Variants in PRAME observed in about 807,000 individuals in gnomAD.
PRAME encodes the protein melanoma antigen preferentially expressed in tumors.
Under a neutral mutation model 32.1 loss-of-function variants are expected in PRAME, and 21 were observed. That is an observed-to-expected ratio of 0.65 (90% CI 0.46 to 0.94). The LOEUF (loss-of-function observed/expected upper bound fraction) is 0.94. PRAME is among the 40% of genes least tolerant of loss of function. PRAME has a pLI of 0.00. For missense variants in PRAME, 651 were observed against 622.3 expected (o/e 1.05, Z -0.49); for synonymous variants, 274 against 251.5 (o/e 1.09, Z -0.85).
intron 3 of PRAME, among the ~76,000 whole-genome samples, chr22:22,555,584 G>A (rs2062857811): frequency 6.6e-6 from 1 of 151,716 alleles, no homozygotes; most frequent in African/African-American, 2.4e-5. Context: ...TCCCAGACTG[G>A]TCTTGAACTC....
In PRAME at chr22:22,547,747, T is replaced by C. The variant is rs2062333994; in HGVS notation, c.*320A>G. Reference sequence around the variant, plus strand: ...ATTTTCAACAGTTTCTTTACAACAGTCTACACAGGGATTAACTCCTACATG... The same window carrying C: ...ATTTTCAACAGTTTCTTTACAACAGCCTACACAGGGATTAACTCCTACATG... On this transcript the variant is annotated 3_prime_UTR_variant, in exon 6 of 6. Coordinates refer to ENST00000405655, the MANE Select transcript of PRAME (RefSeq NM_206956.3). 2 of 373,280 alleles carry C rather than the reference T, an allele frequency of 5.4e-6. No individual in the cohort carries two copies. The highest frequency in any genetic ancestry group is 9.6e-6 in the Non-Finnish European group (2 of 208,122). 23.1% of individuals were successfully genotyped at this position (373,280 alleles called of 1,614,324 possible). A position where few individuals can be genotyped will look rare whatever the true frequency, so the allele number is the denominator to read the frequency against.
chr22:22,555,826 C>T (rs992092348), intron 3 of PRAME: 12 of 466,946 alleles, frequency 2.6e-5, no homozygotes, highest in East Asian at 7.1e-5. Context: ...TTCCCAGGAC[C>T]GACACTTACC....
intron 4 of PRAME, 154 bp downstream of exon 4, chr22:22,550,613 T>C (rs1407857227): frequency 3.3e-6 from 3 of 916,696 alleles, no homozygotes; most frequent in Non-Finnish European, 4.9e-6. Flanking sequence ...ATTCCAAGAG[T>C]GACCCCTGCA....
intron 3 of PRAME, among the ~76,000 whole-genome samples, chr22:22,554,663 CTCTG>C (rs895325493): frequency 6.6e-6 from 1 of 151,934 alleles, no homozygotes; most frequent in Non-Finnish European, 1.5e-5. Context: ...AAGTCCCTGA[CTCTG>C]TCTGGGGAAG....
Position 22,550,009 on chromosome 22 carries a change from T to C in PRAME, c.670A>G (p.Lys224Glu), listed in dbSNP as rs767932678. ...AGCTGCACCATTTTCAGGATCATCT[T>C]GATATCCTGCATGGGCATTGCAAAA... ...KIFAMPMQDI[K>E]MILKMVQLDS... The change falls in exon 5 of 6, where the codon AAG becomes GAG. Residue 224 changes from lysine (K) to glutamate (E), a missense_variant. By Grantham distance (56) the Lys-to-Glu change is moderately conservative (BLOSUM62 1). Coordinates refer to ENST00000405655, the MANE Select transcript of PRAME (RefSeq NM_206956.3). 4 of 1,613,898 alleles carry C rather than the reference T, an allele frequency of 2.5e-6. No homozygotes were observed. In the South Asian group the frequency reaches 4.4e-5, roughly 18 times the overall value.
Position 22,548,436 on chromosome 22 carries a change from C to T in PRAME, c.1161G>A (p.Glu387=), listed in dbSNP as rs1168736160. ...GGAGCTGATCATCCGTGATCCCACACTCATCAAAGACCAGGTCCTGGAGGG... is the reference window on the plus strand; with the variant it reads ...GGAGCTGATCATCCGTGATCCCACATTCATCAAAGACCAGGTCCTGGAGGG... ...SATLQDLVFD[E]CGITDDQLLA... Residue 387 remains glutamate, a synonymous_variant, in exon 6 of 6, where the codon GAG becomes GAA. Coordinates refer to ENST00000405655, the MANE Select transcript of PRAME (RefSeq NM_206956.3). 6.2e-7 allele frequency: 1 copy of T among 1,613,660 alleles called. No individual in the cohort carries two copies. Among genetic ancestry groups the T allele is most frequent in the Non-Finnish European group, 8.5e-7 (1 of 1,179,946 alleles).
chr22:22,554,884 G>A (rs1483057256), intron 3 of PRAME, among the ~76,000 whole-genome samples: 3 of 151,966 alleles, frequency 2.0e-5, no homozygotes, highest in Non-Finnish European at 4.4e-5. Context: ...TCCAAGGGAG[G>A]AGGAGGAACC....
At chr22:22,557,099 G>A (rs2062975080) in intron 2 of PRAME, 190 bp from the exon 3 acceptor site, 7 of 550,770 alleles carry the variant, frequency 1.3e-5, no homozygotes, top group South Asian at 2.1e-5. Context: ...GAACCAGGGG[G>A]CAGGAGGAAC....
intron 2 of PRAME, chr22:22,557,258 G>C (rs1272394006): frequency 4.1e-6 from 1 of 245,596 alleles, no homozygotes; most frequent in Non-Finnish European, 8.2e-6. Context: ...CTTCAGAGGG[G>C]CCGAGTCCCA....
chr22:22,550,376 G>T, intron 4 of PRAME, 42 bp from the exon 5 acceptor site: 1 of 1,588,786 alleles, frequency 6.3e-7, no homozygotes, highest in Non-Finnish European at 8.5e-7. Context: ...GATGCTTTAA[G>T]ATCAACTCAA....
Position 22,550,894 on chromosome 22 carries a change from C to A in PRAME, c.217G>T (p.Val73Leu). ...AGGCAGGTGAAGGGCCAGGCCTGCA[C>A]CATTGCCTTCAGGGTCTGGCTGTGT... ...GRHSQTLKAM[V>L]QAWPFTCLPL... is the part of the protein sequence containing the mutation. The change falls in exon 4 of 6, where the codon GTG becomes TTG. Residue 73 changes from valine to leucine, a missense_variant. Coordinates refer to ENST00000405655, the MANE Select transcript of PRAME (RefSeq NM_206956.3). 3.1e-6 allele frequency: 5 copies of A among 1,613,896 alleles called. No homozygotes were observed. The South Asian group carries it at 5.5e-5, about 18-fold the overall frequency.
chr22:22,553,006 C>T (rs2062689541), intron 3 of PRAME: 3 of 461,416 alleles, frequency 6.5e-6, no homozygotes, highest in African/African-American at 2.0e-5. Flanking sequence ...GCCAGTGAAT[C>T]CTGATGGGGT....
intron 3 of PRAME, among the ~76,000 whole-genome samples, chr22:22,551,973 A>G (rs1446701524): frequency 2.0e-5 from 3 of 151,570 alleles, no homozygotes; most frequent in Admixed American, 6.6e-5. Context: ...ACCATCTTGT[A>G]TACTAGATAT....
chr22:22,548,043 G>A lies in PRAME; in HGVS notation c.*24C>T. The A allele has an allele frequency of 1.3e-6, 2 of 1,584,356 alleles. No homozygotes were observed. Among genetic ancestry groups the A allele is most frequent in the Non-Finnish European group, 1.7e-6 (2 of 1,163,076 alleles). ...GCTTTAGTGTCCAAGTATGCAGAATGAAGCATTTGATATGTGCACCCAGCT... is the reference window on the plus strand; with the variant it reads ...GCTTTAGTGTCCAAGTATGCAGAATAAAGCATTTGATATGTGCACCCAGCT... On this transcript the variant is annotated 3_prime_UTR_variant, in exon 6 of 6. Coordinates refer to ENST00000405655, the MANE Select transcript of PRAME (RefSeq NM_206956.3).
intron 3 of PRAME, among the ~76,000 whole-genome samples, chr22:22,556,418 C>T (rs1267373577): frequency 1.3e-5 from 2 of 151,908 alleles, no homozygotes; most frequent in Admixed American, 6.6e-5. Context: ...TCAAGCGATT[C>T]TCCTGCCTCA....
At position 22,559,127 on chromosome 22, in the gene PRAME, C is replaced by T. The variant is rs1174572004; in HGVS notation, c.-270G>A. On this transcript the variant is annotated 5_prime_UTR_variant, in exon 1 of 6. Transcript: ENST00000405655. The stretch of plus-strand genomic sequence containing the variant: ...CCCCCGAGCCTGCAGAGGACTCCGC[C>T]CTGCTTTCCCTACATTCAGGGCTGC... 4.5e-6 allele frequency: 1 copy of T among 221,660 alleles called. No individual in the cohort carries two copies. The highest frequency in any genetic ancestry group is 8.9e-6 in the Non-Finnish European group (1 of 112,362). 13.7% of individuals were successfully genotyped at this position (221,660 alleles called of 1,614,324 possible).
intron 3 of PRAME, among the ~76,000 whole-genome samples, chr22:22,554,496 G>A (rs1453276549): frequency 6.6e-6 from 1 of 151,858 alleles, no homozygotes; most frequent in Non-Finnish European, 1.5e-5. Flanking sequence ...CTCATCAGCT[G>A]CGGGAGACTG....
In PRAME at chr22:22,550,134, A is replaced by G. The variant is rs200331967; in HGVS notation, c.545T>C (p.Phe182Ser). 3 of 1,613,860 alleles carry G rather than the reference A, an allele frequency of 1.9e-6. No individual in the cohort carries two copies. In the Admixed American group the frequency reaches 5.0e-5, roughly 27 times the overall value. Residue 182 changes from phenylalanine to serine, a missense_variant, in exon 5 of 6, where the codon TTC becomes TCC. Physicochemically the swap from Phe to Ser is radical, Grantham distance 155. Coordinates refer to ENST00000405655, the MANE Select transcript of PRAME (RefSeq NM_206956.3). ...TTCATCACAGGCACCTTCCTTGAGG[A>G]ACAGGTCTACGAGCACCTCTACTGG... Reference protein sequence around the residue: ...FIPVEVLVDLFLKEGACDELF... With the variant: ...FIPVEVLVDLSLKEGACDELF...
chr22:22,551,896 G>A (rs888670433), intron 3 of PRAME, among the ~76,000 whole-genome samples: 4 of 151,696 alleles, frequency 2.6e-5, no homozygotes, highest in African/African-American at 9.7e-5. Context: ...TCACATATGT[G>A]TGGTGAGAAC....
Sources: allele counts gnomAD v4.1 joint callset (sites outside exome capture counted in the v4.1 genomes callset), GRCh38; gene constraint gnomAD v4.1.1; transcripts MANE v1.5; gene names NCBI Gene and HGNC (gene_info 2026-07-23, HGNC 2026-07-21).